Variants in WDR75 observed in about 807,000 individuals in gnomAD.
WDR75 encodes WD repeat domain 75.
In WDR75, 52 loss-of-function variants were observed where a neutral mutation model predicts 106.1. That is an observed-to-expected ratio of 0.49 (90% confidence interval 0.39 to 0.62). WDR75 has a LOEUF of 0.62. WDR75 is among the 20% of genes least tolerant of loss of function. The pLI is 0.00. For missense variants in WDR75, 905 were observed against 970.3 expected (o/e 0.93, Z 0.89); for synonymous variants, 333 against 335.5 (o/e 0.99, Z 0.08).
intron 1 of WDR75, among the ~76,000 whole-genome samples, chr2:189,447,260 G>A (rs554471957): frequency 2.6e-5 from 4 of 152,312 alleles, no homozygotes; most frequent in African/African-American, 4.8e-5. Context: ...TGATAATATC[G>A]TGAAAGTAGT....
At chr2:189,450,118 A>G (rs1348922758) in intron 2 of WDR75, 3 of 956,886 alleles carry the variant, frequency 3.1e-6, no homozygotes, top group African/African-American at 1.8e-5. Context: ...TGAGTGTCAC[A>G]AAACACTTTG....
In WDR75 at chr2:189,455,317, T is replaced by C; in HGVS notation, c.374-3T>C. The C allele has an allele frequency of 6.2e-7, 1 of 1,613,354 alleles. No individual in the cohort carries two copies. The highest frequency in any genetic ancestry group is 1.1e-5 in the South Asian group (1 of 91,048). ...TTATATTAATATAGCTTTCTTTGGC[T>C]AGATATATTTCAGCTGGTTTCAGTG... On this transcript the variant is annotated splice_region_variant and splice_polypyrimidine_tract_variant and intron_variant, in intron 4 of 20. Transcript: ENST00000314761.
chr2:189,444,607 T>C (rs1271644291), intron 1 of WDR75, among the ~76,000 whole-genome samples: 1 of 152,202 alleles, frequency 6.6e-6, no homozygotes, highest in African/African-American at 2.4e-5. Context: ...CCCTTACAGA[T>C]CATTCTGAGT....
chr2:189,462,702 G>A, intron 9 of WDR75, 60 bp downstream of exon 9: 1 of 1,517,396 alleles, frequency 6.6e-7, no homozygotes, highest in East Asian at 2.3e-5. Context: ...GCTAGCATCT[G>A]TAGGGAACAG....
At chr2:189,452,907 C>T (rs371498082) in intron 4 of WDR75, among the ~76,000 whole-genome samples, 3 of 152,140 alleles carry the variant, frequency 2.0e-5, no homozygotes, top group Non-Finnish European at 4.4e-5. Flanking sequence ...CAACTGTAAT[C>T]CCAGTGCTTT....
chr2:189,442,017 T>A (rs1429393912), intron 1 of WDR75, among the ~76,000 whole-genome samples: 1 of 152,194 alleles, frequency 6.6e-6, no homozygotes, highest in African/African-American at 2.4e-5. Context: ...TGCAGTCTTT[T>A]CGGAACTTTA....
rs752226372 is a variant in WDR75 at position 189,474,281 on chromosome 2, G to T, written c.2145G>T (p.Glu715Asp). Residue 715 changes from glutamate to aspartate, a missense_variant, in exon 19 of 21, where the codon GAG becomes GAT. By Grantham distance (45) the Glu-to-Asp change is conservative. Transcript: ENST00000314761. ...QQDEKLNETL[E>D]NELVQLPLTE... ...ATGAAAAACTAAACGAAACTTTAGAGAATGAGCTGGTACAACTACCCTTAA... is the reference window on the plus strand; with the variant it reads ...ATGAAAAACTAAACGAAACTTTAGATAATGAGCTGGTACAACTACCCTTAA... 1 of 1,613,782 alleles carries T rather than the reference G, an allele frequency of 6.2e-7. No homozygotes were observed. The highest frequency in any genetic ancestry group is 8.5e-7 in the Non-Finnish European group (1 of 1,179,820).
intron 2 of WDR75, chr2:189,449,847 G>C (rs1269628194): frequency 6.1e-6 from 6 of 984,706 alleles, no homozygotes; most frequent in Non-Finnish European, 7.2e-6. Flanking sequence ...CCTCTTCTCT[G>C]AGTCCATGTC....
intron 1 of WDR75, 53 bp from the exon 2 acceptor site, chr2:189,448,326 G>T: frequency 1.3e-6 from 2 of 1,537,784 alleles, no homozygotes; most frequent in African/African-American, 1.4e-5. Flanking sequence ...TCAGCAGTGT[G>T]AAAACAGGCT....
At chr2:189,445,909 T>A (rs1422766648) in intron 1 of WDR75, among the ~76,000 whole-genome samples, 2 of 152,206 alleles carry the variant, frequency 1.3e-5, no homozygotes, top group Non-Finnish European at 2.9e-5. Context: ...AAGTTGACTT[T>A]GAAGGGTTGC....
intron 12 of WDR75, among the ~76,000 whole-genome samples, 161 bp from the exon 13 acceptor site, chr2:189,466,264 G>A (rs935049577): frequency 3.3e-5 from 5 of 152,146 alleles, no homozygotes; most frequent in African/African-American, 9.7e-5. Context: ...TTTGCGTCCT[G>A]TGGCCATTAG....
chr2:189,447,711 T>C (rs571339978), intron 1 of WDR75, among the ~76,000 whole-genome samples: 63 of 152,320 alleles, frequency 4.1e-4, no homozygotes, highest in African/African-American at 1.5e-3. Flanking sequence ...TAATAATCTC[T>C]TCTGAGTTAA....
intron 1 of WDR75, among the ~76,000 whole-genome samples, chr2:189,444,431 C>T (rs1279906042): frequency 1.3e-5 from 2 of 152,144 alleles, no homozygotes; most frequent in African/African-American, 4.8e-5. Flanking sequence ...TACTGACTCT[C>T]AGTCCAGTTC....
At chr2:189,453,208 A>G (rs13405157) in intron 4 of WDR75, among the ~76,000 whole-genome samples, 9,855 of 152,228 alleles carry the variant, frequency 0.065, 493 homozygotes, top group African/African-American at 0.14. Flanking sequence ...TCGGTTTCGT[A>G]TGTTGAATAC....
In WDR75 at chr2:189,474,182, A is replaced by G. The variant is rs772487478; in HGVS notation, c.2050-4A>G. ...TAATTTCTCTTTGTCTTAAATCCTT[A>G]AAGCTGCTAGCAGAAGAAAGTCTTC... On this transcript the variant is annotated splice_region_variant and splice_polypyrimidine_tract_variant and intron_variant, in intron 18 of 20. Coordinates refer to ENST00000314761, the MANE Select transcript of WDR75 (RefSeq NM_032168.3). 1 of 1,607,212 alleles carries G rather than the reference A, an allele frequency of 6.2e-7. No homozygotes were observed. Among genetic ancestry groups the G allele is most frequent in the African/African-American group, 1.3e-5 (1 of 74,384 alleles).
At chr2:189,470,363 C>T in intron 17 of WDR75, 118 bp downstream of exon 17, 1 of 1,173,962 alleles carries the variant, frequency 8.5e-7, no homozygotes, top group African/African-American at 1.5e-5. Flanking sequence ...GGATTATTTC[C>T]CAAAAAATTG....
Position 189,465,266 on chromosome 2 carries a change from T to G in WDR75, c.1289+12T>G, listed in dbSNP as rs750525962. The G allele has an allele frequency of 2.8e-5, 44 of 1,572,712 alleles. No homozygotes were observed. The highest frequency in any genetic ancestry group is 3.7e-5 in the Non-Finnish European group (43 of 1,158,686). ...AAGAAAACACAAGGGTAATACTATC[T>G]GTGTAGCCACTTAATTTCAAAGTAT... On this transcript the variant is annotated intron_variant, in intron 12 of 20. Coordinates refer to ENST00000314761, the MANE Select transcript of WDR75 (RefSeq NM_032168.3).
chr2:189,469,457 T>A lies in WDR75; in HGVS notation c.1819+18T>A, dbSNP rs750659541. On this transcript the variant is annotated intron_variant, in intron 16 of 20. Transcript: ENST00000314761. ...TTCAGACTGTAAGTACAAACCACAC[T>A]TTGTAGTAAGAGAACATCTATGACC... is the stretch of plus-strand genomic sequence containing the variant. 6.3e-6 allele frequency: 10 copies of A among 1,577,128 alleles called. No homozygotes were observed. The highest frequency in any genetic ancestry group is 8.7e-6 in the Non-Finnish European group (10 of 1,147,118).
intron 4 of WDR75, 27 bp downstream of exon 4, chr2:189,451,922 T>C (rs1431996669): frequency 2.6e-6 from 4 of 1,526,888 alleles, no homozygotes; most frequent in Admixed American, 1.7e-5. Context: ...TTACTATATA[T>C]GGCATTGAGT....
Sources: allele counts gnomAD v4.1 joint callset (sites outside exome capture counted in the v4.1 genomes callset), GRCh38; gene constraint gnomAD v4.1.1; transcripts MANE v1.5; gene names NCBI Gene and HGNC (gene_info 2026-07-23, HGNC 2026-07-21).